UBE2H: variants seen among roughly 807,000 people sequenced by gnomAD.
UBE2H encodes ubiquitin conjugating enzyme E2 H, also known as ubiquitin-conjugating enzyme E2 H.
In UBE2H, 3 loss-of-function variants were observed where a neutral mutation model predicts 29.0. The ratio of observed to expected loss-of-function variants is 0.10; its 90% CI spans 0.05 to 0.27. UBE2H has a LOEUF of 0.27. Among genes scored for constraint, UBE2H ranks in the 10% least tolerant of loss-of-function variants. UBE2H has a pLI of 1.00. For missense variants in UBE2H, 68 were observed against 228.2 expected (o/e 0.30, Z 4.52); for synonymous variants, 69 against 82.9 (o/e 0.83, Z 0.91).
chr7:129,861,221 T>TA (rs1805795169), intron 3 of UBE2H, among the ~76,000 whole-genome samples: 3 of 151,234 alleles, frequency 2.0e-5, no homozygotes, highest in African/African-American at 7.3e-5. Flanking sequence ...GAGACTGTCT[T>TA]TAAAAAAAAA....
At position 129,874,311 on chromosome 7, in the gene UBE2H, AT is replaced by A. The variant is rs200046665; in HGVS notation, c.205+5256del. Among the ~76,000 whole-genome samples the A allele has an allele frequency of 9.3e-3, 1,310 of 140,604 alleles. 10 individuals are homozygous for A. The highest frequency in any genetic ancestry group is 0.028 in the African/African-American group (1,077 of 38,798). 92.2% of individuals were successfully genotyped at this position (140,604 alleles called of 152,430 possible). ...GAATTTAATTTTTTTTATATATATA[AT>A]TTTTTTTTTTTTTTTGAGACAGAGT... On this transcript the variant is annotated intron_variant, in intron 3 of 6. Coordinates refer to ENST00000355621, the MANE Select transcript of UBE2H (RefSeq NM_003344.4).
At chr7:129,872,039 G>C (rs994192491) in intron 3 of UBE2H, among the ~76,000 whole-genome samples, 4 of 152,060 alleles carry the variant, frequency 2.6e-5, no homozygotes, top group Admixed American at 2.6e-4. Flanking sequence ...ATTTTTAGTA[G>C]ACACGGGGTT....
intron 1 of UBE2H, among the ~76,000 whole-genome samples, chr7:129,925,845 G>A (rs747209454): frequency 2.6e-5 from 4 of 152,120 alleles, no homozygotes; most frequent in Non-Finnish European, 5.9e-5. Flanking sequence ...TACACACTGC[G>A]GCAATCTGGA....
intron 1 of UBE2H, among the ~76,000 whole-genome samples, chr7:129,918,260 T>C (rs1032010620): frequency 6.6e-6 from 1 of 152,208 alleles, no homozygotes; most frequent in African/African-American, 2.4e-5. Flanking sequence ...CTAAAGGAAG[T>C]TCTTTTAACT....
At chr7:129,842,415 A>G (rs1219606265) in intron 5 of UBE2H, among the ~76,000 whole-genome samples, 2 of 152,210 alleles carry the variant, frequency 1.3e-5, no homozygotes, top group Admixed American at 1.3e-4. Flanking sequence ...TGGGCAAGTG[A>G]GTGGAACCCT....
chr7:129,930,392 G>A (rs1379180673), intron 1 of UBE2H, among the ~76,000 whole-genome samples: 1 of 152,094 alleles, frequency 6.6e-6, no homozygotes, highest in Admixed American at 6.5e-5. Context: ...AACTCCCGAC[G>A]ACCTCAGGTG....
rs1182445125 is a variant in UBE2H, at chr7:129,833,226, C to A, written c.*1711G>T. 6.6e-6 allele frequency: 1 copy of A among 152,272 alleles called. No individual in the cohort carries two copies. Among genetic ancestry groups the A allele is most frequent in the East Asian group, 1.9e-4 (1 of 5,188 alleles). 9.4% of individuals were successfully genotyped at this position (152,272 alleles called of 1,614,324 possible). On this transcript the variant is annotated 3_prime_UTR_variant, in exon 7 of 7. Coordinates refer to ENST00000355621, the MANE Select transcript of UBE2H (RefSeq NM_003344.4). ...GTTGTACTTTATATAGATTTTCAAA[C>A]AAAAGATTGATTGTGCTTTTTGAAT...
intron 1 of UBE2H, among the ~76,000 whole-genome samples, chr7:129,944,748 A>ACACG (rs1554441933): frequency 0.052 from 7,280 of 139,950 alleles, 244 homozygotes; most frequent in African/African-American, 0.076. Context: ...ACACACACAC[A>ACACG]CACGCACGCA....
intron 5 of UBE2H, chr7:129,857,307 A>G: frequency 1.7e-6 from 1 of 577,950 alleles, no homozygotes. Context: ...ATCTCAAAAA[A>G]TCATTTTAAA....
chr7:129,920,650 C>T (rs966432067), intron 1 of UBE2H, among the ~76,000 whole-genome samples: 1 of 151,782 alleles, frequency 6.6e-6, no homozygotes, highest in South Asian at 2.1e-4. Flanking sequence ...GGGAGGGAAG[C>T]GGAATCAGGA....
chr7:129,892,967 G>A (rs1165083109), intron 1 of UBE2H, among the ~76,000 whole-genome samples: 2 of 152,084 alleles, frequency 1.3e-5, no homozygotes, highest in Non-Finnish European at 2.9e-5. Context: ...TCTGAATAAG[G>A]GAAGTATCAC....
intron 1 of UBE2H, among the ~76,000 whole-genome samples, chr7:129,898,697 G>A (rs1269833718): frequency 2.0e-5 from 3 of 152,278 alleles, no homozygotes; most frequent in East Asian, 3.9e-4. Flanking sequence ...GCCACCATGT[G>A]AGATGTGCTG....
intron 3 of UBE2H, among the ~76,000 whole-genome samples, chr7:129,876,128 T>C (rs568537591): frequency 9.3e-4 from 142 of 152,358 alleles, no homozygotes; most frequent in African/African-American, 3.2e-3. Context: ...CCAGTAAAGA[T>C]CTTCTGTAGC....
At chr7:129,904,428 G>A (rs1307463103) in intron 1 of UBE2H, among the ~76,000 whole-genome samples, 5 of 152,050 alleles carry the variant, frequency 3.3e-5, no homozygotes, top group Non-Finnish European at 5.9e-5. Flanking sequence ...CCTTTATGGT[G>A]TGTCTAAATG....
intron 1 of UBE2H, among the ~76,000 whole-genome samples, chr7:129,934,949 GTGTGTGTGTATATATATGTGTATATA>G (rs1381560287): frequency 2.0e-5 from 3 of 150,352 alleles, no homozygotes; most frequent in Non-Finnish European, 4.4e-5. Context: ...ATATATATGT[GTGTGTGTGTATATATATGTGTATATA>G]TGTGTGTGTA....
At chr7:129,869,767 G>C (rs1282436578) in intron 3 of UBE2H, among the ~76,000 whole-genome samples, 1 of 152,146 alleles carries the variant, frequency 6.6e-6, no homozygotes, top group East Asian at 1.9e-4. Flanking sequence ...AACAGACCCA[G>C]GGGCTGCCTT....
chr7:129,894,059 G>A (rs1250714115), intron 1 of UBE2H, among the ~76,000 whole-genome samples: 1 of 152,212 alleles, frequency 6.6e-6, no homozygotes, highest in Non-Finnish European at 1.5e-5. Context: ...GGAGGCTGAG[G>A]CAGGAGAACT....
At chr7:129,897,805 A>T (rs1282401782) in intron 1 of UBE2H, among the ~76,000 whole-genome samples, 1 of 152,256 alleles carries the variant, frequency 6.6e-6, no homozygotes, top group East Asian at 1.9e-4. Context: ...TAAAAAAATC[A>T]AAAAGTAATC....
intron 5 of UBE2H, among the ~76,000 whole-genome samples, chr7:129,852,100 A>G (rs75192538): frequency 1.1e-3 from 163 of 152,320 alleles, no homozygotes; most frequent in African/African-American, 3.5e-3. Flanking sequence ...TTCAAATAGT[A>G]GTTGGCCAAT....
Sources: allele counts gnomAD v4.1 joint callset (sites outside exome capture counted in the v4.1 genomes callset), GRCh38; gene constraint gnomAD v4.1.1; transcripts MANE v1.5; gene names NCBI Gene and HGNC (gene_info 2026-07-23, HGNC 2026-07-21).